CCNJL: variants seen among roughly 807,000 people sequenced by gnomAD.
CCNJL encodes the protein cyclin-J-like protein.
In CCNJL, 33 loss-of-function variants were observed where a neutral mutation model predicts 33.4. The observed-to-expected ratio is 0.99, with a 90% CI of 0.75 to 1.32. The LOEUF (loss-of-function observed/expected upper bound fraction) is 1.32. Ranked by LOEUF, CCNJL falls within the 40% of genes most tolerant of loss-of-function variation. The probability of loss-of-function intolerance (pLI) is 0.00; values close to 1 mark genes in which losing one functional copy is unlikely to be tolerated. For missense variants in CCNJL, 512 were observed against 499.7 expected (o/e 1.02, Z -0.23); for synonymous variants, 227 against 220.9 (o/e 1.03, Z -0.24).
intron 1 of CCNJL, among the ~76,000 whole-genome samples, chr5:160,335,310 A>G (rs997542292): frequency 6.6e-6 from 1 of 152,158 alleles, no homozygotes; most frequent in African/African-American, 2.4e-5. Flanking sequence ...AATGTAGACT[A>G]TATAGTTTAT....
At chr5:160,308,320 G>C (rs1763157202) in intron 2 of CCNJL, among the ~76,000 whole-genome samples, 1 of 152,208 alleles carries the variant, frequency 6.6e-6, no homozygotes, top group Non-Finnish European at 1.5e-5. Flanking sequence ...AGCGAAGACT[G>C]ACTTATTCAT....
At chr5:160,256,324 A>G (rs1283993059) in intron 4 of CCNJL, among the ~76,000 whole-genome samples, 1 of 152,212 alleles carries the variant, frequency 6.6e-6, no homozygotes, top group East Asian at 1.9e-4. Context: ...GGTTATTATA[A>G]GAGAATGACA....
chr5:160,289,631 G>T (rs916813817), intron 2 of CCNJL, among the ~76,000 whole-genome samples: 1 of 152,016 alleles, frequency 6.6e-6, no homozygotes, highest in African/African-American at 2.4e-5. Flanking sequence ...CAAGCAGAAA[G>T]AGGATTACCT....
chr5:160,317,508 C>T (rs1016449190), upstream of CCNJL, among the ~76,000 whole-genome samples: 3 of 151,990 alleles, frequency 2.0e-5, 1 homozygote, highest in Admixed American at 2.0e-4. Context: ...TCTGCTGTTC[C>T]GTTCTCTGTT....
At chr5:160,298,075 G>A (rs1021973917) in intron 2 of CCNJL, among the ~76,000 whole-genome samples, 3 of 152,132 alleles carry the variant, frequency 2.0e-5, no homozygotes, top group Admixed American at 6.5e-5. Context: ...CAGCAGATCC[G>A]CAAAATATTA....
intron 2 of CCNJL, among the ~76,000 whole-genome samples, chr5:160,301,522 C>T (rs1762920873): frequency 6.6e-6 from 1 of 151,998 alleles, no homozygotes. Flanking sequence ...CAACCTCTGC[C>T]TCGCGGGTTC....
intron 2 of CCNJL, among the ~76,000 whole-genome samples, chr5:160,281,638 CTATTTGTTTGTT>C (rs544589918): frequency 7.6e-4 from 114 of 150,676 alleles, no homozygotes; most frequent in African/African-American, 2.8e-3. Flanking sequence ...AGATTAGACA[CTATTTGTTTGTT>C]TGTTTGTTTG....
chr5:160,292,148 A>C (rs1403946781), intron 2 of CCNJL, among the ~76,000 whole-genome samples: 1 of 152,176 alleles, frequency 6.6e-6, no homozygotes, highest in Non-Finnish European at 1.5e-5. Context: ...GGCACACACC[A>C]TCCTAGGGCA....
At chr5:160,312,024 CCCCGGTGT>C in intron 1 of CCNJL, 52 bp from the exon 2 acceptor site, 1 of 1,140,134 alleles carries the variant, frequency 8.8e-7, no homozygotes, top group East Asian at 2.4e-5. Context: ...GGGCTCCGAC[CCCCGGTGT>C]CCCTATCCTC....
intron 3 of CCNJL, among the ~76,000 whole-genome samples, chr5:160,260,139 A>T (rs925582287): frequency 1.3e-5 from 2 of 152,216 alleles, no homozygotes; most frequent in African/African-American, 4.8e-5. Flanking sequence ...AGCAGCAGCC[A>T]GGGGCTGGGG....
chr5:160,269,467 G>A (rs1416960721), intron 3 of CCNJL: 29 of 456,402 alleles, frequency 6.4e-5, no homozygotes, highest in Non-Finnish European at 1.3e-4. Context: ...ACTCACCAGG[G>A]GCTGCCTCTG....
chr5:160,332,656 C>T (rs1016084047), intron 1 of CCNJL, among the ~76,000 whole-genome samples: 3 of 152,188 alleles, frequency 2.0e-5, no homozygotes, highest in Non-Finnish European at 4.4e-5. Flanking sequence ...CCGTTCTTCC[C>T]AGCCCCACAT....
At chr5:160,313,528 C>T (rs1209726549), upstream of CCNJL, among the ~76,000 whole-genome samples, 1 of 152,120 alleles carries the variant, frequency 6.6e-6, no homozygotes, top group Non-Finnish European at 1.5e-5. Flanking sequence ...CTTTCCTGCA[C>T]ATAAAGACAC....
At chr5:160,337,883 T>C (rs998975047) in intron 1 of CCNJL, among the ~76,000 whole-genome samples, 1 of 152,194 alleles carries the variant, frequency 6.6e-6, no homozygotes, top group African/African-American at 2.4e-5. Context: ...ATTTGCTGAC[T>C]ACAGATCACA....
At chr5:160,336,067 T>G (rs1278124983) in intron 1 of CCNJL, among the ~76,000 whole-genome samples, 1 of 152,212 alleles carries the variant, frequency 6.6e-6, no homozygotes, top group African/African-American at 2.4e-5. Flanking sequence ...CCTTGTGATC[T>G]CTCTAGAACC....
At chr5:160,286,666 A>G (rs1480905429) in intron 2 of CCNJL, among the ~76,000 whole-genome samples, 2 of 152,058 alleles carry the variant, frequency 1.3e-5, no homozygotes, top group East Asian at 1.9e-4. Flanking sequence ...AGAAAAAAGG[A>G]AAAGTTATGG....
At position 160,291,036 on chromosome 5, in the gene CCNJL, T is replaced by TAAAAAAAAAAAAA. The variant is rs1177369719; in HGVS notation, c.67-10311_67-10299dup. Among the ~76,000 whole-genome samples, 25 of 57,528 alleles carry TAAAAAAAAAAAAA rather than the reference T, an allele frequency of 4.3e-4. 1 individual carries two copies. The highest frequency in any genetic ancestry group is 6.0e-4 in the Non-Finnish European group (20 of 33,486). The allele number at this position is 57,528 out of a possible 152,430, so 37.7% of individuals were successfully genotyped here. A position where few individuals can be genotyped will look rare whatever the true frequency, so the allele number is the denominator to read the frequency against. On this transcript the variant is annotated intron_variant, in intron 2 of 5. Coordinates refer to ENST00000257536, the MANE Select transcript of CCNJL (RefSeq NM_001308173.3). ...AACATAGAAACACCCCGTCTTTACTTAAAAAAAAAAAAAAAAAAAAAAAAA... is the reference window on the plus strand; with the variant it reads ...AACATAGAAACACCCCGTCTTTACTTAAAAAAAAAAAAAAAAAAAAAAAAAAAAAAAAAAAAAA...
chr5:160,262,929 C>T (rs79713825), intron 3 of CCNJL, among the ~76,000 whole-genome samples: 5,034 of 152,308 alleles, frequency 0.033, 74 homozygotes, highest in Middle Eastern at 0.068. Flanking sequence ...ACTGCACAGG[C>T]AACAGATGCC....
At chr5:160,304,028 C>T (rs1763013266) in intron 2 of CCNJL, among the ~76,000 whole-genome samples, 1 of 152,118 alleles carries the variant, frequency 6.6e-6, no homozygotes, top group East Asian at 1.9e-4. Flanking sequence ...TGGGGTACAC[C>T]CACACCCATT....
Sources: gnomAD v4.1 joint callset for allele counts (sites outside exome capture counted in the v4.1 genomes callset) on GRCh38, gnomAD v4.1.1 for gene constraint, MANE v1.5 for transcripts, NCBI Gene and HGNC (gene_info 2026-07-23, HGNC 2026-07-21) for gene names.